Variants in TSHZ2 observed in about 807,000 individuals in gnomAD.
TSHZ2 encodes the protein teashirt zinc finger homeobox 2, also known as teashirt homolog 2.
A neutral mutation model predicts 74.4 loss-of-function variants in TSHZ2; 21 were observed. That is an observed-to-expected ratio of 0.28 (90% confidence interval 0.20 to 0.41). The LOEUF is 0.41. Among genes scored for constraint, TSHZ2 ranks in the 10% least tolerant of loss-of-function variants. The pLI, the probability that TSHZ2 is intolerant of heterozygous loss-of-function variation, is 1.00. For synonymous variants in TSHZ2, 540 were observed against 515.3 expected, an observed-to-expected ratio of 1.05 and a Z score of -0.65; for missense variants, 1,244 against 1,293.5, an observed-to-expected ratio of 0.96 and a Z score of 0.59.
chr20:53,312,164 T>C (rs537410156), intron 2 of TSHZ2, among the ~76,000 whole-genome samples: 1 of 152,282 alleles, frequency 6.6e-6, no homozygotes, highest in East Asian at 1.9e-4. Context: ...TAAGGGAAGA[T>C]GCGGCGGAGT....
intron 1 of TSHZ2, among the ~76,000 whole-genome samples, chr20:53,138,455 G>A (rs973806001): frequency 2.0e-5 from 3 of 150,896 alleles, no homozygotes; most frequent in Non-Finnish European, 4.4e-5. Flanking sequence ...GTCACCTTAA[G>A]GTCTGCCTAT....
At chr20:53,007,627 GTATGTGTGTA>G (rs1014836028) in intron 1 of TSHZ2, among the ~76,000 whole-genome samples, 76 of 151,786 alleles carry the variant, frequency 5.0e-4, no homozygotes, top group African/African-American at 1.8e-3. Context: ...GTGTGTGTGA[GTATGTGTGTA>G]TACTCGTGTG....
rs140430714 is a variant in TSHZ2 at position 53,248,232 on chromosome 20, G to A, written c.41-5267G>A. On this transcript the variant is annotated intron_variant, in intron 1 of 2. Transcript: ENST00000371497. The stretch of plus-strand genomic sequence containing the variant: ...ACCATAGGCATGCACCATTATGCCT[G>A]GCTATTTTTTTTTTATTTTTTTTGT... Among the ~76,000 whole-genome samples the A allele has an allele frequency of 5.1e-3, 775 of 151,664 alleles. 6 individuals are homozygous for A. The highest frequency in any genetic ancestry group is 0.018 in the African/African-American group (737 of 41,296).
chr20:53,289,021 G>A (rs1330774355), intron 2 of TSHZ2, among the ~76,000 whole-genome samples: 1 of 151,968 alleles, frequency 6.6e-6, no homozygotes, highest in Non-Finnish European at 1.5e-5. Context: ...TTATGCCTTT[G>A]AGTCCTCATA....
intron 2 of TSHZ2, among the ~76,000 whole-genome samples, chr20:53,483,242 C>G (rs959525897): frequency 3.9e-5 from 6 of 152,158 alleles, no homozygotes; most frequent in African/African-American, 9.7e-5. Context: ...ATGGCAAAAC[C>G]CTGTCTGTAC....
chr20:53,154,397 A>G (rs1987745489), intron 1 of TSHZ2, among the ~76,000 whole-genome samples: 1 of 152,212 alleles, frequency 6.6e-6, no homozygotes, highest in African/African-American at 2.4e-5. Context: ...CAGCAGTAAA[A>G]TAAAAATAAC....
chr20:53,412,635 G>C (rs1365933974), intron 2 of TSHZ2: 1 of 152,300 alleles, frequency 6.6e-6, no homozygotes, highest in Admixed American at 6.5e-5. Context: ...CGTCTCTCAG[G>C]GGGTGCACAG....
chr20:53,048,646 G>A (rs1984317616), intron 1 of TSHZ2, among the ~76,000 whole-genome samples: 1 of 152,206 alleles, frequency 6.6e-6, no homozygotes, highest in Non-Finnish European at 1.5e-5. Context: ...TCCATAGAGA[G>A]CCCCACCAGC....
At chr20:53,245,150 A>G (rs1990171929) in intron 1 of TSHZ2, among the ~76,000 whole-genome samples, 1 of 152,210 alleles carries the variant, frequency 6.6e-6, no homozygotes, top group Non-Finnish European at 1.5e-5. Context: ...ACTTTATCAC[A>G]TGCTATACTC....
intron 2 of TSHZ2, among the ~76,000 whole-genome samples, chr20:53,393,743 C>T (rs1403333808): frequency 1.3e-5 from 2 of 151,962 alleles, no homozygotes; most frequent in African/African-American, 2.4e-5. Context: ...GTACCAATGT[C>T]GGTATCCCGG....
rs557242647 is a variant in TSHZ2, at chr20:53,410,819, G to A, written c.*9-76325G>A. ...GCCTTTTGAGTAGCTGGGATTACAG[G>A]CATGCACCAGGACGCCTGGGTAACT... On this transcript the variant is annotated intron_variant, in intron 2 of 2. Coordinates refer to ENST00000371497, the MANE Select transcript of TSHZ2 (RefSeq NM_173485.6). Among the ~76,000 whole-genome samples the A allele has an allele frequency of 5.9e-5, 9 of 151,916 alleles. No homozygotes were observed. The South Asian group carries it at 1.0e-3, about 18-fold the overall frequency.
intron 2 of TSHZ2, among the ~76,000 whole-genome samples, chr20:53,467,970 C>T (rs920634855): frequency 6.6e-6 from 1 of 151,904 alleles, no homozygotes. Context: ...CGTGATAGAA[C>T]CAAATATTTG....
Position 53,329,567 on chromosome 20 carries a change from C to T in TSHZ2, c.*8+72996C>T, listed in dbSNP as rs528682347. ...GGCACAGCTGACCGTAAACACACTG[C>T]AGCCATTAACCAGAAATCACCCACA... On this transcript the variant is annotated intron_variant, in intron 2 of 2. Transcript: ENST00000371497. Among the ~76,000 whole-genome samples the T allele has an allele frequency of 2.0e-5, 3 of 150,830 alleles. No homozygotes were observed. In the East Asian group the frequency reaches 5.9e-4, roughly 29 times the overall value.
intron 1 of TSHZ2, chr20:53,185,149 T>C (rs1465912217): frequency 1.0e-6 from 1 of 960,660 alleles, no homozygotes; most frequent in East Asian, 1.1e-4. Flanking sequence ...CCCAGAATTA[T>C]AGAAGAGATT....
At chr20:52,985,072 C>A (rs145554865) in intron 1 of TSHZ2, among the ~76,000 whole-genome samples, 24 of 152,054 alleles carry the variant, frequency 1.6e-4, no homozygotes, top group African/African-American at 5.8e-4. Context: ...GGGAAAGAGG[C>A]CACACTTTTC....
intron 2 of TSHZ2, among the ~76,000 whole-genome samples, chr20:53,444,208 C>A (rs1377863147): frequency 3.3e-5 from 5 of 152,176 alleles, no homozygotes; most frequent in Admixed American, 2.0e-4. Context: ...CCATTCTGAG[C>A]TCTGTTTGCT....
intron 1 of TSHZ2, among the ~76,000 whole-genome samples, chr20:53,187,843 G>A (rs1950406615): frequency 6.6e-6 from 1 of 152,104 alleles, no homozygotes; most frequent in African/African-American, 2.4e-5. Context: ...GGGAAAATGG[G>A]AAATCAGTAA....
At chr20:53,381,654 C>T (rs1215538969) in intron 2 of TSHZ2, among the ~76,000 whole-genome samples, 1 of 152,154 alleles carries the variant, frequency 6.6e-6, no homozygotes, top group African/African-American at 2.4e-5. Flanking sequence ...TTGGTAAATT[C>T]AGGGATTTCC....
chr20:53,284,947 G>A (rs549657924), intron 2 of TSHZ2, among the ~76,000 whole-genome samples: 2 of 152,262 alleles, frequency 1.3e-5, no homozygotes, highest in South Asian at 4.2e-4. Flanking sequence ...GGCAGCAGAG[G>A]AAATGATCGT....
Sources: allele counts gnomAD v4.1 joint callset (sites outside exome capture counted in the v4.1 genomes callset), GRCh38; gene constraint gnomAD v4.1.1; transcripts MANE v1.5; gene names NCBI Gene and HGNC (gene_info 2026-07-23, HGNC 2026-07-21).